Variants in SEMA3D observed in about 807,000 individuals in gnomAD.
The protein encoded by SEMA3D is semaphorin-3D.
Under a neutral mutation model 100.1 loss-of-function variants are expected in SEMA3D, and 84 were observed. The ratio of observed to expected loss-of-function variants is 0.84; its 90% confidence interval spans 0.70 to 1.01. The LOEUF (loss-of-function observed/expected upper bound fraction) is 1.01, where lower values mean the gene tolerates loss of function less well. Among genes scored for constraint, SEMA3D ranks in the 50% least tolerant of loss-of-function variants. The probability of loss-of-function intolerance (pLI) is 0.00; values close to 1 mark genes in which losing one functional copy is unlikely to be tolerated. For synonymous variants in SEMA3D, 312 were observed against 320.7 expected, an observed-to-expected ratio of 0.97 and a Z score of 0.29; for missense variants, 875 against 934.1, an observed-to-expected ratio of 0.94 and a Z score of 0.82.
chr7:85,032,450 A>T (rs141250523), intron 12 of SEMA3D, among the ~76,000 whole-genome samples: 1 of 152,184 alleles, frequency 6.6e-6, no homozygotes, highest in African/African-American at 2.4e-5. Context: ...GCATGATTTC[A>T]GACATTTTCA....
chr7:85,104,521 T>C (rs990193024), intron 3 of SEMA3D, among the ~76,000 whole-genome samples: 3 of 152,062 alleles, frequency 2.0e-5, no homozygotes, highest in African/African-American at 7.2e-5. Flanking sequence ...TCCCTTTTAG[T>C]GTCCCTTAAT....
intron 9 of SEMA3D, among the ~76,000 whole-genome samples, chr7:85,048,060 A>T (rs1022151410): frequency 2.6e-5 from 4 of 151,868 alleles, no homozygotes; most frequent in African/African-American, 4.8e-5. Context: ...ATTAAGAAAA[A>T]CCTATTCCAT....
At chr7:85,079,054 A>G (rs1394843711) in intron 5 of SEMA3D, among the ~76,000 whole-genome samples, 6 of 152,202 alleles carry the variant, frequency 3.9e-5, no homozygotes, top group Non-Finnish European at 8.8e-5. Context: ...ATGTAAGAGC[A>G]CAGACCTTGG....
rs763661874 is a variant in SEMA3D at position 84,999,581 on chromosome 7, G to A, written c.2193C>T (p.Cys731=). Reference sequence around the variant, plus strand: ...GCTTCTCCCTGTGCCACATCTGTTCGCAGTACTGGTCGAGGCTGAAGTTTG... The same window carrying A: ...GCTTCTCCCTGTGCCACATCTGTTCACAGTACTGGTCGAGGCTGAAGTTTG... ...SSPNFSLDQY[C]EQMWHREKRR... Residue 731 remains cysteine, a synonymous_variant, in exon 19 of 19, where the codon TGC becomes TGT. Coordinates refer to ENST00000284136, the MANE Select transcript of SEMA3D (RefSeq NM_001384900.1). The A allele has an allele frequency of 1.3e-4, 216 of 1,613,924 alleles. No homozygotes were observed. The highest frequency in any genetic ancestry group is 1.7e-4 in the Non-Finnish European group (197 of 1,180,014).
intron 5 of SEMA3D, among the ~76,000 whole-genome samples, chr7:85,077,663 A>G (rs1172734433): frequency 6.6e-6 from 1 of 152,180 alleles, no homozygotes; most frequent in East Asian, 1.9e-4. Context: ...TATTTTATTC[A>G]TTCATATGCA....
At chr7:85,059,444 T>C (rs940037266) in intron 8 of SEMA3D, among the ~76,000 whole-genome samples, 1 of 152,206 alleles carries the variant, frequency 6.6e-6, no homozygotes, top group Non-Finnish European at 1.5e-5. Context: ...TACATCGGTA[T>C]TAACATGAGT....
At chr7:85,131,481 C>T (rs1252176711) in intron 2 of SEMA3D, among the ~76,000 whole-genome samples, 2 of 151,820 alleles carry the variant, frequency 1.3e-5, no homozygotes, top group East Asian at 3.9e-4. Flanking sequence ...CAACAATAAC[C>T]TCATATAAAA....
intron 12 of SEMA3D, among the ~76,000 whole-genome samples, chr7:85,033,019 G>C (rs1267152703): frequency 6.6e-6 from 1 of 151,942 alleles, no homozygotes; most frequent in Non-Finnish European, 1.5e-5. Flanking sequence ...CATAAAAATT[G>C]TATGATAAAT....
chr7:85,011,846 C>A (rs1247533269), intron 17 of SEMA3D, among the ~76,000 whole-genome samples: 1 of 151,720 alleles, frequency 6.6e-6, no homozygotes, highest in Middle Eastern at 3.2e-3. Flanking sequence ...CACTACCAGA[C>A]CACCAGTTAT....
At chr7:85,178,094 CT>C (rs1056935396) in intron 1 of SEMA3D, among the ~76,000 whole-genome samples, 4 of 152,200 alleles carry the variant, frequency 2.6e-5, no homozygotes, top group African/African-American at 9.6e-5. Context: ...TTTGCTTCCC[CT>C]TCTGCCATGA....
intron 1 of SEMA3D, among the ~76,000 whole-genome samples, chr7:85,181,251 T>A (rs1294707295): frequency 1.3e-5 from 2 of 151,718 alleles, no homozygotes; most frequent in Non-Finnish European, 2.9e-5. Flanking sequence ...GAGAAATGGC[T>A]CATTCCAGGA....
chr7:85,074,291 C>T (rs1407638714), intron 5 of SEMA3D, among the ~76,000 whole-genome samples: 1 of 152,060 alleles, frequency 6.6e-6, no homozygotes, highest in Non-Finnish European at 1.5e-5. Flanking sequence ...AGGCATGGAC[C>T]TAATGGTCCA....
At chr7:85,127,547 G>C (rs746973836) in intron 2 of SEMA3D, among the ~76,000 whole-genome samples, 1 of 151,974 alleles carries the variant, frequency 6.6e-6, no homozygotes. Flanking sequence ...GACCATAACA[G>C]TAACAACAAA....
At chr7:85,152,972 G>C (rs1790470969) in intron 2 of SEMA3D, among the ~76,000 whole-genome samples, 1 of 152,126 alleles carries the variant, frequency 6.6e-6, no homozygotes, top group African/African-American at 2.4e-5. Context: ...AATTCTGAGA[G>C]AGGTAAATAA....
chr7:85,134,810 T>C (rs1381898675), intron 2 of SEMA3D, among the ~76,000 whole-genome samples: 2 of 152,010 alleles, frequency 1.3e-5, no homozygotes, highest in African/African-American at 4.8e-5. Flanking sequence ...TATCATTGTG[T>C]ATAATATCAT....
chr7:85,178,290 A>G (rs1353855667), intron 1 of SEMA3D, among the ~76,000 whole-genome samples: 1 of 152,190 alleles, frequency 6.6e-6, no homozygotes, highest in African/African-American at 2.4e-5. Flanking sequence ...GCGACTTTGG[A>G]ACTGGGTAAC....
At chr7:85,000,043 A>C (rs1789614846) in intron 18 of SEMA3D, among the ~76,000 whole-genome samples, 178 bp from the exon 19 acceptor site, 1 of 152,138 alleles carries the variant, frequency 6.6e-6, no homozygotes, top group African/African-American at 2.4e-5. Flanking sequence ...AAATTCAACA[A>C]AAGTAATAGC....
chr7:85,242,038 T>TA, the SEMA3D span, among the ~76,000 whole-genome samples: 57 of 146,480 alleles, frequency 3.9e-4, no homozygotes, highest in South Asian at 1.5e-3. Context: ...AGAGCTACCA[T>TA]AAAAAAAAAA....
At chr7:85,080,679 G>A (rs1292124683) in intron 5 of SEMA3D, among the ~76,000 whole-genome samples, 7 of 152,050 alleles carry the variant, frequency 4.6e-5, no homozygotes. Flanking sequence ...CAAGAAGTCA[G>A]GACAGAAGAC....
Sources: gnomAD v4.1 joint callset for allele counts (sites outside exome capture counted in the v4.1 genomes callset) on GRCh38, gnomAD v4.1.1 for gene constraint, MANE v1.5 for transcripts, NCBI Gene and HGNC (gene_info 2026-07-23, HGNC 2026-07-21) for gene names.